Variants in FBXO10 observed in about 807,000 individuals in gnomAD.
FBXO10 encodes F-box only protein 10.
A neutral mutation model predicts 80.7 loss-of-function variants in FBXO10; 39 were observed. That is an observed-to-expected ratio of 0.48 (90% CI 0.37 to 0.63). FBXO10 has a LOEUF of 0.63. Ranked by LOEUF, FBXO10 falls within the 30% of genes least tolerant of loss-of-function variation. FBXO10 has a pLI of 0.00. For synonymous variants in FBXO10, 449 were observed against 489.6 expected (o/e 0.92, Z 1.09); for missense variants, 1,025 against 1,269.0 (o/e 0.81, Z 2.92).
chr9:37,527,660 G>A (rs1358837872), intron 5 of FBXO10, among the ~76,000 whole-genome samples: 3 of 152,186 alleles, frequency 2.0e-5, no homozygotes, highest in African/African-American at 4.8e-5. Flanking sequence ...CATCATGGCT[G>A]TGTGAGTGTG....
chr9:37,526,947 T>C (rs1588830949), intron 5 of FBXO10, among the ~76,000 whole-genome samples: 1 of 151,534 alleles, frequency 6.6e-6, no homozygotes, highest in Admixed American at 6.6e-5. Flanking sequence ...GCCTCCCGGG[T>C]TCAAGCGATT....
chr9:37,536,998 G>A (rs920207364), intron 3 of FBXO10, 112 bp downstream of exon 3: 33 of 759,586 alleles, frequency 4.3e-5, no homozygotes, highest in Non-Finnish European at 5.5e-5. Context: ...GACGTCAAGC[G>A]TGCGTGAATA....
intron 1 of FBXO10, among the ~76,000 whole-genome samples, chr9:37,558,952 A>G (rs1382164943): frequency 6.6e-6 from 1 of 152,068 alleles, no homozygotes; most frequent in Non-Finnish European, 1.5e-5. Flanking sequence ...CTGCGATTAC[A>G]GACGCGCACC....
chr9:37,522,552 TC>T (rs1435764996), intron 7 of FBXO10: 47 of 1,230,186 alleles, frequency 3.8e-5, no homozygotes, highest in Non-Finnish European at 4.5e-5. Flanking sequence ...AATGGTCCTG[TC>T]CTTAAGACAT....
At chr9:37,542,653 G>A (rs1244950188) in intron 1 of FBXO10, among the ~76,000 whole-genome samples, 1 of 151,334 alleles carries the variant, frequency 6.6e-6, no homozygotes, top group East Asian at 1.9e-4. Context: ...ACCATGTGGA[G>A]GAAACCTTCT....
At chr9:37,563,991 C>A (rs1822544664) in intron 1 of FBXO10, among the ~76,000 whole-genome samples, 1 of 152,206 alleles carries the variant, frequency 6.6e-6, no homozygotes, top group Admixed American at 6.5e-5. Context: ...CCTCCCATCA[C>A]AGGCCCAAGG....
chr9:37,533,983 T>C (rs1437929771), intron 3 of FBXO10, among the ~76,000 whole-genome samples: 1 of 152,036 alleles, frequency 6.6e-6, no homozygotes, highest in Non-Finnish European at 1.5e-5. Flanking sequence ...TAGAGATGAC[T>C]GAAGTGTGGG....
At chr9:37,567,710 A>C (rs986249830) in intron 1 of FBXO10, among the ~76,000 whole-genome samples, 8 of 152,010 alleles carry the variant, frequency 5.3e-5, no homozygotes, top group African/African-American at 1.7e-4. Context: ...TTGCATTTTT[A>C]GTAGAGATGG....
chr9:37,516,968 A>AC (rs1554756406), intron 9 of FBXO10, among the ~76,000 whole-genome samples: 1 of 151,666 alleles, frequency 6.6e-6, no homozygotes, highest in Non-Finnish European at 1.5e-5. Flanking sequence ...CTCAAAAAAA[A>AC]AAAAAACAAA....
intron 8 of FBXO10, among the ~76,000 whole-genome samples, chr9:37,520,768 G>A (rs930866219): frequency 6.6e-6 from 1 of 152,098 alleles, no homozygotes; most frequent in Non-Finnish European, 1.5e-5. Flanking sequence ...TATGCATCTC[G>A]TGGGAGATGT....
At chr9:37,535,703 A>G (rs1260078880) in intron 3 of FBXO10, among the ~76,000 whole-genome samples, 1 of 152,128 alleles carries the variant, frequency 6.6e-6, no homozygotes, top group Non-Finnish European at 1.5e-5. Context: ...TCCTCCTGCC[A>G]GCCTTTACCC....
intron 5 of FBXO10, among the ~76,000 whole-genome samples, chr9:37,525,659 C>T (rs1215587589): frequency 6.6e-6 from 1 of 151,910 alleles, no homozygotes; most frequent in Non-Finnish European, 1.5e-5. Context: ...AAGCGATGTT[C>T]GTGCCTCAGC....
chr9:37,518,916 T>TC (rs1182464162), intron 8 of FBXO10, among the ~76,000 whole-genome samples: 3 of 151,174 alleles, frequency 2.0e-5, no homozygotes, highest in South Asian at 2.1e-4. Flanking sequence ...AAATTTTCTT[T>TC]TTTTTTTTTT....
chr9:37,539,494 G>A (rs1821861531), intron 2 of FBXO10, among the ~76,000 whole-genome samples: 1 of 152,190 alleles, frequency 6.6e-6, no homozygotes, highest in Admixed American at 6.5e-5. Context: ...CAAGTCTAAC[G>A]CCAGGCCTCA....
At chr9:37,516,215 G>A in intron 9 of FBXO10, 130 bp from the exon 10 acceptor site, 1 of 996,524 alleles carries the variant, frequency 1.0e-6, no homozygotes, top group South Asian at 1.8e-5. Flanking sequence ...AAGAGCCTAT[G>A]AGCTCAAAGA....
chr9:37,564,614 C>T (rs988349063), intron 1 of FBXO10, among the ~76,000 whole-genome samples: 1 of 152,226 alleles, frequency 6.6e-6, no homozygotes, highest in African/African-American at 2.4e-5. Context: ...GACATGCAGT[C>T]AAAGGAGATC....
chr9:37,519,583 G>T (rs1283666593), intron 8 of FBXO10, among the ~76,000 whole-genome samples: 1 of 152,186 alleles, frequency 6.6e-6, no homozygotes, highest in East Asian at 1.9e-4. Context: ...TCTCTTGGTG[G>T]CACCAGCCTG....
At chr9:37,546,650 A>G (rs1822064391) in intron 1 of FBXO10, among the ~76,000 whole-genome samples, 1 of 152,164 alleles carries the variant, frequency 6.6e-6, no homozygotes, top group Admixed American at 6.5e-5. Context: ...GAAACACAAA[A>G]CAAAGTTGGC....
chr9:37,563,699 G>C (rs1282747924), intron 1 of FBXO10, among the ~76,000 whole-genome samples: 1 of 152,176 alleles, frequency 6.6e-6, no homozygotes, highest in South Asian at 2.1e-4. Flanking sequence ...GTGGAACTTT[G>C]AACTTGAGAG....
Sources: allele counts gnomAD v4.1 joint callset (sites outside exome capture counted in the v4.1 genomes callset), GRCh38; gene constraint gnomAD v4.1.1; transcripts MANE v1.5; gene names NCBI Gene and HGNC (gene_info 2026-07-23, HGNC 2026-07-21).